The following SF3B1 variants were observed in gnomAD, a reference collection of about 807,000 sequenced individuals.
The protein encoded by SF3B1 is splicing factor 3b subunit 1, also known as pre-mRNA processing 10.
SF3B1 carries 12 observed loss-of-function variants against 153.8 expected under a neutral mutation model. That is an observed-to-expected ratio of 0.08 (90% confidence interval 0.05 to 0.13). SF3B1 has a LOEUF of 0.13. Ranked by LOEUF, SF3B1 falls within the 10% of genes least tolerant of loss-of-function variation. SF3B1 has a pLI of 1.00. For synonymous variants in SF3B1, 498 were observed against 525.2 expected, an observed-to-expected ratio of 0.95 and a Z score of 0.71; for missense variants, 513 against 1,606.1, an observed-to-expected ratio of 0.32 and a Z score of 11.63.
At chr2:197,428,946 G>A (rs1033417235) in intron 1 of SF3B1, among the ~76,000 whole-genome samples, 7 of 151,860 alleles carry the variant, frequency 4.6e-5, no homozygotes, top group Non-Finnish European at 1.0e-4. Context: ...ACTCCAGCCC[G>A]GACGACACAG....
rs1249842566 is a variant in SF3B1, at chr2:197,391,276, C to T, written c.*1027G>A. ...GAATACAAAGCTAAGCAAACCTAGA[C>T]ATTTTAGCTGCTGCCACTGTGTATT... On this transcript the variant is annotated 3_prime_UTR_variant, in exon 25 of 25. Transcript: ENST00000335508. 2 of 152,172 alleles carry T rather than the reference C, an allele frequency of 1.3e-5. No individual in the cohort carries two copies. The highest frequency in any genetic ancestry group is 4.8e-5 in the African/African-American group (2 of 41,440). 9.4% of individuals were successfully genotyped at this position (152,172 alleles called of 1,614,324 possible).
chr2:197,426,365 G>A (rs887587023), intron 1 of SF3B1, among the ~76,000 whole-genome samples: 3 of 151,654 alleles, frequency 2.0e-5, no homozygotes, highest in Non-Finnish European at 2.9e-5. Flanking sequence ...GCTGGATCTC[G>A]GCTCACTGCA....
intron 6 of SF3B1, among the ~76,000 whole-genome samples, chr2:197,412,810 C>T (rs1353621905): frequency 6.7e-6 from 1 of 149,964 alleles, no homozygotes; most frequent in East Asian, 2.0e-4. Flanking sequence ...CACTGCGAAA[C>T]CCTGTCTCTA....
At chr2:197,432,710 T>C (rs1043217907) in intron 1 of SF3B1, among the ~76,000 whole-genome samples, 13 of 151,944 alleles carry the variant, frequency 8.6e-5, no homozygotes, top group Admixed American at 1.3e-4. Context: ...TCTCTAAAAA[T>C]ACAAAAATTA....
chr2:197,424,937 A>G (rs527805208), intron 1 of SF3B1, among the ~76,000 whole-genome samples: 1 of 152,212 alleles, frequency 6.6e-6, no homozygotes, highest in East Asian at 1.9e-4. Flanking sequence ...AGGCGGGCGG[A>G]TCACCTGAAG....
At chr2:197,415,632 T>TA (rs1460742540) in intron 6 of SF3B1, among the ~76,000 whole-genome samples, 9 of 152,312 alleles carry the variant, frequency 5.9e-5, no homozygotes. Flanking sequence ...CTATTCAGGA[T>TA]AATGACAAAC....
chr2:197,425,191 C>T (rs538879230), intron 1 of SF3B1, among the ~76,000 whole-genome samples: 138 of 152,272 alleles, frequency 9.1e-4, no homozygotes, highest in African/African-American at 3.2e-3. Flanking sequence ...TTAGGCCGGG[C>T]GCAGTGGCTC....
At chr2:197,417,240 T>C (rs935392041) in intron 5 of SF3B1, among the ~76,000 whole-genome samples, 7 of 152,174 alleles carry the variant, frequency 4.6e-5, no homozygotes, top group African/African-American at 9.7e-5. Context: ...TCAAAACTCA[T>C]ATAAATAGCA....
At position 197,402,647 on chromosome 2, in the gene SF3B1, G is replaced by T. The variant is rs778467242; in HGVS notation, c.1986C>A (p.His662Gln). ...CKSKKSWQAR[H>Q]TGIKIVQQIA... is the part of the protein sequence containing the mutation. ...TCTGTTGTACAATCTTAATACCAGT[G>T]TGTCTCGCTTGCCAGGACTTCTTGC... The change falls in exon 14 of 25, where the codon CAC (histidine) becomes CAA (glutamine). Residue 662 changes from histidine to glutamine, a missense_variant. By Grantham distance (24) the His-to-Gln change is conservative. This residue lies in a region of SF3B1 where 13 missense variants were observed against 16.1 expected (regional missense o/e 0.81). Coordinates refer to ENST00000335508, the MANE Select transcript of SF3B1 (RefSeq NM_012433.4). The surrounding 1 kb of genome is among the most constrained non-coding windows in gnomAD (Gnocchi z 4.6). 7 of 1,613,874 alleles carry T rather than the reference G, an allele frequency of 4.3e-6. No homozygotes were observed. The highest frequency in any genetic ancestry group is 1.3e-5 in the African/African-American group (1 of 74,916).
rs1322279685 is a variant in SF3B1 at position 197,390,411 on chromosome 2, A to T, written c.*1892T>A. On this transcript the variant is annotated 3_prime_UTR_variant, in exon 25 of 25. Transcript: ENST00000335508. Reference sequence around the variant, plus strand: ...CAGTCATTACTGAAGGTCATTTGACATCAACCATAGAGAGCAGTGAGATTT... The same window carrying T: ...CAGTCATTACTGAAGGTCATTTGACTTCAACCATAGAGAGCAGTGAGATTT... The T allele has an allele frequency of 1.3e-5, 2 of 152,254 alleles. No individual in the cohort carries two copies. The highest frequency in any genetic ancestry group is 2.9e-5 in the Non-Finnish European group (2 of 68,046). 9.4% of individuals were successfully genotyped at this position (152,254 alleles called of 1,614,324 possible).
At chr2:197,416,622 G>A (rs2085152218) in intron 6 of SF3B1, 119 bp downstream of exon 6, 1 of 819,706 alleles carries the variant, frequency 1.2e-6, no homozygotes, top group Non-Finnish European at 1.9e-6. Flanking sequence ...AAAAATCAAT[G>A]TCTGTTGTTT....
intron 1 of SF3B1, among the ~76,000 whole-genome samples, chr2:197,428,843 C>A (rs1474075358): frequency 6.6e-6 from 1 of 151,872 alleles, no homozygotes; most frequent in East Asian, 1.9e-4. Context: ...TGCAGTGAGC[C>A]GAGATCACAG....
intron 9 of SF3B1, among the ~76,000 whole-genome samples, chr2:197,406,529 T>C (rs927884623): frequency 6.6e-6 from 1 of 152,108 alleles, no homozygotes; most frequent in African/African-American, 2.4e-5. Context: ...CCATTAAGGA[T>C]TTAAAGGTCT....
At chr2:197,403,141 T>C in intron 12 of SF3B1, 106 bp from the exon 13 acceptor site, 1 of 850,768 alleles carries the variant, frequency 1.2e-6, no homozygotes, top group East Asian at 2.6e-5. Context: ...ATCAGGACTT[T>C]TGTTAATCAA....
At position 197,400,992 on chromosome 2, in the gene SF3B1, GCAACATCATGAAAAC is replaced by G. The variant is rs1173543732; in HGVS notation, c.2497-71_2497-57del. On this transcript the variant is annotated intron_variant, in intron 17 of 24. Transcript: ENST00000335508. This position sits in a 1 kb window ranked among gnomAD's most constrained non-coding sequence, Gnocchi z 5.0. ...TAGACTGCTTTTCCAAGGAAATAAA[GCAACATCATGAAAAC>G]CAAATACTCTAAATATACTACTTAT... The G allele has an allele frequency of 9.0e-7, 1 of 1,107,078 alleles. No homozygotes were observed. The highest frequency in any genetic ancestry group is 1.6e-5 in the African/African-American group (1 of 63,736). 68.6% of individuals were successfully genotyped at this position (1,107,078 alleles called of 1,614,324 possible). A position where few individuals can be genotyped will look rare whatever the true frequency, so the allele number is the denominator to read the frequency against.
intron 22 of SF3B1, 105 bp from the exon 23 acceptor site, chr2:197,396,433 G>A: frequency 5.8e-6 from 5 of 862,518 alleles, no homozygotes; most frequent in South Asian, 2.0e-5. Context: ...ATAATTACAG[G>A]GAACTCAGTA....
At chr2:197,420,962 T>C in intron 3 of SF3B1, 67 bp downstream of exon 3, 1 of 943,300 alleles carries the variant, frequency 1.1e-6, no homozygotes, top group Non-Finnish European at 1.7e-6. Flanking sequence ...TTTATGGATT[T>C]CTATGGGAAC....
intron 6 of SF3B1, among the ~76,000 whole-genome samples, chr2:197,410,537 G>A (rs1467912724): frequency 1.7e-5 from 2 of 120,800 alleles, no homozygotes; most frequent in East Asian, 2.3e-4. Flanking sequence ...ACAGAGTCTC[G>A]CTCTGTCACC....
rs757176962 is a variant in SF3B1, at chr2:197,416,745, G to A, written c.662C>T (p.Ala221Val). The change falls in exon 6 of 25, where the codon GCA becomes GTA. Residue 221 changes from alanine (A) to valine (V), a missense_variant. Physicochemically the swap from Ala to Val is moderately conservative, Grantham distance 64. Coordinates refer to ENST00000335508, the MANE Select transcript of SF3B1 (RefSeq NM_012433.4). ...CAAAAAACAAAAAGAAATTACCTCT[G>A]CCTGATCCCAACTTGATAGTTTTTT... ...TPKKLSSWDQ[A>V]ETPGHTPSLR... The A allele has an allele frequency of 9.3e-6, 15 of 1,610,122 alleles. No homozygotes were observed. The Admixed American group carries it at 2.4e-4, about 25-fold the overall frequency.
Sources: gnomAD v4.1 joint callset for allele counts (sites outside exome capture counted in the v4.1 genomes callset) on GRCh38, gnomAD v4.1.1 for gene constraint, gnomAD v4.1.1 regional missense constraint, Gnocchi (gnomAD v3.1) non-coding constraint, MANE v1.5 for transcripts, NCBI Gene and HGNC (gene_info 2026-07-23, HGNC 2026-07-21) for gene names.